Variants in ZNF341 observed in about 807,000 individuals in gnomAD.
The protein encoded by ZNF341 is zinc finger protein 341.
Under a neutral mutation model 87.7 loss-of-function variants are expected in ZNF341, and 52 were observed. The ratio of observed to expected loss-of-function variants is 0.59; its 90% CI spans 0.47 to 0.75. The LOEUF (loss-of-function observed/expected upper bound fraction) is 0.75, where lower values mean the gene tolerates loss of function less well. Ranked by LOEUF, ZNF341 falls within the 30% of genes least tolerant of loss-of-function variation. The pLI is 0.00. For synonymous variants in ZNF341, 459 were observed against 472.7 expected, an observed-to-expected ratio of 0.97 and a Z score of 0.38; for missense variants, 977 against 1,145.9, an observed-to-expected ratio of 0.85 and a Z score of 2.13.
intron 9 of ZNF341, among the ~76,000 whole-genome samples, chr20:33,768,505 C>T (rs2747555): frequency 0.038 from 5,746 of 151,838 alleles, 385 homozygotes; most frequent in African/African-American, 0.13. Context: ...TCACTGTAAC[C>T]GCCACCTCCT....
chr20:33,758,012 A>G (rs2019216039), intron 6 of ZNF341, among the ~76,000 whole-genome samples: 1 of 152,144 alleles, frequency 6.6e-6, no homozygotes, highest in African/African-American at 2.4e-5. Context: ...GTGGCTTTCC[A>G]GTCAACTACT....
chr20:33,777,511 G>C (rs1418872151), intron 10 of ZNF341, among the ~76,000 whole-genome samples: 4 of 151,264 alleles, frequency 2.6e-5, no homozygotes, highest in Admixed American at 2.6e-4. Flanking sequence ...GCGGGCACCT[G>C]TATTCCCAGT....
intron 6 of ZNF341, 78 bp downstream of exon 6, chr20:33,757,421 T>G: frequency 1.8e-5 from 23 of 1,263,998 alleles, no homozygotes; most frequent in Non-Finnish European, 2.4e-5. Context: ...GTCTTCCCTT[T>G]TATGGTTGTT....
intron 10 of ZNF341, among the ~76,000 whole-genome samples, chr20:33,778,077 T>G (rs1250335516): frequency 1.3e-5 from 2 of 152,204 alleles, no homozygotes; most frequent in East Asian, 3.9e-4. Context: ...TTGGATGACT[T>G]AATTCAGGTG....
At chr20:33,758,613 G>T in intron 6 of ZNF341, 103 bp from the exon 7 acceptor site, 1 of 862,870 alleles carries the variant, frequency 1.2e-6, no homozygotes. Flanking sequence ...AGACTTCCCT[G>T]GGGTATGGAT....
chr20:33,775,004 C>G (rs967367055), intron 10 of ZNF341, among the ~76,000 whole-genome samples: 2 of 152,092 alleles, frequency 1.3e-5, no homozygotes, highest in Admixed American at 1.3e-4. Context: ...CAACAATAGA[C>G]CTGCCTCATT....
chr20:33,745,405 C>G, intron 3 of ZNF341, 106 bp downstream of exon 3: 1 of 1,177,270 alleles, frequency 8.5e-7, no homozygotes, highest in South Asian at 1.5e-5. Context: ...AGACCAAGTC[C>G]CTGCCCTTGT....
chr20:33,758,644 G>A, intron 6 of ZNF341, 72 bp from the exon 7 acceptor site: 2 of 1,237,934 alleles, frequency 1.6e-6, no homozygotes, highest in African/African-American at 1.5e-5. Context: ...AGATACAGTA[G>A]TCAGAGGCTG....
At chr20:33,783,096 G>A (rs1172376905) in intron 11 of ZNF341, among the ~76,000 whole-genome samples, 2 of 152,114 alleles carry the variant, frequency 1.3e-5, no homozygotes, top group African/African-American at 4.8e-5. Context: ...AGAGGTTGCA[G>A]TGAGCCAAGA....
chr20:33,734,079 A>G (rs1350005353), intron 1 of ZNF341, among the ~76,000 whole-genome samples: 2 of 152,260 alleles, frequency 1.3e-5, no homozygotes, highest in Non-Finnish European at 2.9e-5. Context: ...GAAGACAGTT[A>G]AAGAGAAATC....
chr20:33,752,937 T>C (rs2122663619), intron 4 of ZNF341, among the ~76,000 whole-genome samples: 1 of 152,286 alleles, frequency 6.6e-6, no homozygotes, highest in South Asian at 2.1e-4. Flanking sequence ...CGTGAGCCAC[T>C]GCGCCCGGCC....
chr20:33,753,070 G>C (rs1448521001), intron 4 of ZNF341, 102 bp from the exon 5 acceptor site: 1 of 1,536,394 alleles, frequency 6.5e-7, no homozygotes, highest in Non-Finnish European at 8.9e-7. Context: ...CTGGTAAGTA[G>C]CTGTTTTTCC....
At chr20:33,752,694 C>T (rs1311823744) in intron 4 of ZNF341, among the ~76,000 whole-genome samples, 3 of 149,240 alleles carry the variant, frequency 2.0e-5, no homozygotes, top group Non-Finnish European at 4.5e-5. Context: ...GCTCTGTCAC[C>T]CAGGCTAAAG....
intron 4 of ZNF341, among the ~76,000 whole-genome samples, chr20:33,749,560 G>C (rs1269011276): frequency 6.6e-6 from 1 of 152,106 alleles, no homozygotes; most frequent in African/African-American, 2.4e-5. Context: ...GCCTCCTGAA[G>C]TGCTAGGATT....
intron 4 of ZNF341, chr20:33,752,616 C>T (rs1372123272): frequency 7.7e-6 from 2 of 259,026 alleles, no homozygotes; most frequent in African/African-American, 2.3e-5. Context: ...TAACTCTTTT[C>T]TGCATGAATG....
chr20:33,767,643 C>G (rs2019437453), intron 9 of ZNF341, among the ~76,000 whole-genome samples: 1 of 152,178 alleles, frequency 6.6e-6, no homozygotes. Context: ...TCTTCTTTAT[C>G]TTTTATAGGA....
At position 33,767,011 on chromosome 20, in the gene ZNF341, GTC is replaced by G. The variant is rs748761753; in HGVS notation, c.1386_1387del (p.Met464AspfsTer4). ...AATTCAGCACCTACTTCCAGCTCAA[GTC>G]TCACATGACCCAGCATAAGAATGAG... is the stretch of plus-strand genomic sequence containing the variant. ...SKFSTYFQLK[S>X]HMTQHKNEQV... On this transcript the variant is annotated frameshift_variant, in exon 9 of 15. Transcript: ENST00000375200. LOFTEE classifies it high-confidence loss of function. 6.2e-7 allele frequency: 1 copy of G among 1,613,962 alleles called. No homozygotes were observed. The highest frequency in any genetic ancestry group is 8.5e-7 in the Non-Finnish European group (1 of 1,179,930).
intron 2 of ZNF341, among the ~76,000 whole-genome samples, chr20:33,744,721 A>G (rs998926711): frequency 4.6e-5 from 7 of 152,052 alleles, no homozygotes; most frequent in African/African-American, 1.7e-4. Flanking sequence ...CCTCCCGAGT[A>G]GCTGGGACTA....
chr20:33,732,229 G>T lies in ZNF341; in HGVS notation c.31+177G>T, dbSNP rs1202262139. Among the ~76,000 whole-genome samples the T allele has an allele frequency of 6.7e-6, 1 of 150,006 alleles. No individual in the cohort carries two copies. The highest frequency in any genetic ancestry group is 2.4e-5 in the African/African-American group (1 of 41,102). ...AACAGCGCGGGAGCCGAGGCCCGGC[G>T]GGGGAGCTCCGGGGCCGGAACAGCC... On this transcript the variant is annotated intron_variant, in intron 1 of 14. Coordinates refer to ENST00000375200, the MANE Select transcript of ZNF341 (RefSeq NM_001282933.2). This position sits in a 1 kb window ranked among gnomAD's most constrained non-coding sequence, Gnocchi z 4.5.
Sources: allele counts gnomAD v4.1 joint callset (sites outside exome capture counted in the v4.1 genomes callset), GRCh38; gene constraint gnomAD v4.1.1; non-coding constraint Gnocchi (gnomAD v3.1); transcripts MANE v1.5; gene names NCBI Gene and HGNC (gene_info 2026-07-23, HGNC 2026-07-21).